Variants in SMPD3 observed in about 807,000 individuals in gnomAD.
The protein encoded by SMPD3 is nSMase-2.
SMPD3 carries 21 observed loss-of-function variants against 55.7 expected under a neutral mutation model. The ratio of observed to expected loss-of-function variants is 0.38; its 90% CI spans 0.27 to 0.54. The LOEUF is 0.54. SMPD3 is among the 20% of genes least tolerant of loss of function. The pLI, the probability that SMPD3 is intolerant of heterozygous loss-of-function variation, is 0.80. For synonymous variants in SMPD3, 457 were observed against 404.3 expected, an observed-to-expected ratio of 1.13 and a Z score of -1.56; for missense variants, 842 against 899.6, an observed-to-expected ratio of 0.94 and a Z score of 0.82.
chr16:68,377,436 CGAGT>C (rs2089844037), intron 2 of SMPD3, among the ~76,000 whole-genome samples: 1 of 152,200 alleles, frequency 6.6e-6, no homozygotes, highest in Non-Finnish European at 1.5e-5. Context: ...GCTGCTCCTG[CGAGT>C]GACTGATAAT....
intron 1 of SMPD3, among the ~76,000 whole-genome samples, chr16:68,401,790 T>G: frequency 6.6e-6 from 1 of 152,206 alleles, no homozygotes; most frequent in East Asian, 1.9e-4. Flanking sequence ...TATAAATGCC[T>G]TCGTCGCAGA....
At chr16:68,394,816 A>AG (rs1249072092) in intron 1 of SMPD3, among the ~76,000 whole-genome samples, 1 of 152,256 alleles carries the variant, frequency 6.6e-6, no homozygotes, top group Non-Finnish European at 1.5e-5. Context: ...AATAGAAAAA[A>AG]CAAGAGGCCA....
At chr16:68,435,169 T>A (rs112795002) in intron 1 of SMPD3, among the ~76,000 whole-genome samples, 333 of 152,252 alleles carry the variant, frequency 2.2e-3, no homozygotes, top group Non-Finnish European at 3.7e-3. Flanking sequence ...AGGGATGAAC[T>A]CTTTGCAGAG....
chr16:68,360,903 C>G lies in SMPD3; in HGVS notation c.*303G>C. 1 of 380,766 alleles carries G rather than the reference C, an allele frequency of 2.6e-6. No homozygotes were observed. Among genetic ancestry groups the G allele is most frequent in the Non-Finnish European group, 4.8e-6 (1 of 207,210 alleles). 23.6% of individuals were successfully genotyped at this position (380,766 alleles called of 1,614,324 possible). ...AGGAGATACAGAGAGTACACGAACCCGGTCCTCATACTAACCCACGGGTTA... is the reference window on the plus strand; with the variant it reads ...AGGAGATACAGAGAGTACACGAACCGGGTCCTCATACTAACCCACGGGTTA... On this transcript the variant is annotated 3_prime_UTR_variant, in exon 9 of 9. Coordinates refer to ENST00000219334, the MANE Select transcript of SMPD3 (RefSeq NM_018667.4).
At chr16:68,379,667 T>C (rs1359206519) in intron 2 of SMPD3, among the ~76,000 whole-genome samples, 1 of 152,202 alleles carries the variant, frequency 6.6e-6, no homozygotes, top group African/African-American at 2.4e-5. Context: ...TGTGGGCTGC[T>C]TGTGCGAGCC....
At chr16:68,382,667 G>C (rs1311362915) in intron 2 of SMPD3, among the ~76,000 whole-genome samples, 2 of 152,302 alleles carry the variant, frequency 1.3e-5, no homozygotes, top group Non-Finnish European at 1.5e-5. Flanking sequence ...GAGCCACTTA[G>C]GGAATCCTGC....
rs1397579318 is a variant in SMPD3, at chr16:68,447,333, T to A, written c.-269+1020A>T. ...CGTCTACCTGGAGCTCTTGAGTGCTTGAGGGGAGACCCGCCCCGTCCCGCT... is the reference window on the plus strand; with the variant it reads ...CGTCTACCTGGAGCTCTTGAGTGCTAGAGGGGAGACCCGCCCCGTCCCGCT... On this transcript the variant is annotated intron_variant, in intron 1 of 8. Transcript: ENST00000219334. The surrounding 1 kb of genome is among the most constrained non-coding windows in gnomAD (Gnocchi z 5.1). 6.6e-6 allele frequency among the ~76,000 whole-genome samples: 1 copy of A among 151,784 alleles called. No individual in the cohort carries two copies. Among genetic ancestry groups the A allele is most frequent in the Non-Finnish European group, 1.5e-5 (1 of 67,914 alleles).
chr16:68,411,192 C>T (rs2090297181), intron 1 of SMPD3, among the ~76,000 whole-genome samples: 2 of 152,212 alleles, frequency 1.3e-5, no homozygotes, highest in Non-Finnish European at 1.5e-5. Context: ...AGCACAGTGC[C>T]CTCCCCCAAC....
chr16:68,363,113 G>T (rs1485181400), intron 7 of SMPD3, among the ~76,000 whole-genome samples: 1 of 152,176 alleles, frequency 6.6e-6, no homozygotes, highest in Non-Finnish European at 1.5e-5. Flanking sequence ...GCTGCAAGCT[G>T]CCAGGCTGCC....
At position 68,370,875 on chromosome 16, in the gene SMPD3, C is replaced by G. The variant is rs2089644327; in HGVS notation, c.1307G>C (p.Gly436Ala). Residue 436 changes from glycine (G) to alanine (A), a missense_variant, in exon 3 of 9, where the codon GGA becomes GCA. Physicochemically the swap from Gly to Ala is moderately conservative, Grantham distance 60. Coordinates refer to ENST00000219334, the MANE Select transcript of SMPD3 (RefSeq NM_018667.4). ...KCNDDALASK[G>A]ALFLKVQVGS... Reference sequence around the variant, plus strand: ...GTCTCCTACCTTGAGAAACAGAGCTCCCTTAGAGGCCAGGGCATCGTCGTT... The same window carrying G: ...GTCTCCTACCTTGAGAAACAGAGCTGCCTTAGAGGCCAGGGCATCGTCGTT... The G allele has an allele frequency of 1.2e-6, 2 of 1,613,562 alleles. No individual in the cohort carries two copies. The highest frequency in any genetic ancestry group is 1.7e-6 in the Non-Finnish European group (2 of 1,179,832).
chr16:68,427,756 G>GC (rs1179068178), intron 1 of SMPD3, among the ~76,000 whole-genome samples: 4 of 151,798 alleles, frequency 2.6e-5, no homozygotes, highest in Non-Finnish European at 5.9e-5. Flanking sequence ...AATGACTGGG[G>GC]GGGGGTGCTG....
intron 1 of SMPD3, among the ~76,000 whole-genome samples, chr16:68,423,895 C>G (rs1001171155): frequency 1.3e-5 from 2 of 151,942 alleles, no homozygotes; most frequent in African/African-American, 4.8e-5. Flanking sequence ...GCTGAGGAGG[C>G]GGTGATGTCA....
rs1005930421 is a variant in SMPD3 at position 68,360,578 on chromosome 16, G to GTAAT, written c.*624_*627dup. ...CTTTTTCTGTTTTTCTTTTTAAAAT[G>GTAAT]TAATTGCCCTTGAATGCGAGACCCT... On this transcript the variant is annotated 3_prime_UTR_variant, in exon 9 of 9. Coordinates refer to ENST00000219334, the MANE Select transcript of SMPD3 (RefSeq NM_018667.4). 6.5e-6 allele frequency: 1 copy of GTAAT among 153,030 alleles called. No individual in the cohort carries two copies. Among genetic ancestry groups the GTAAT allele is most frequent in the African/African-American group, 2.4e-5 (1 of 41,468 alleles). 9.5% of individuals were successfully genotyped at this position (153,030 alleles called of 1,614,324 possible).
At chr16:68,435,743 A>T (rs1375152106) in intron 1 of SMPD3, among the ~76,000 whole-genome samples, 1 of 152,232 alleles carries the variant, frequency 6.6e-6, no homozygotes, top group Non-Finnish European at 1.5e-5. Flanking sequence ...GACTCGGACA[A>T]AGCTTTCCCA....
chr16:68,365,418 C>T (rs763117601), intron 3 of SMPD3, among the ~76,000 whole-genome samples: 8 of 152,172 alleles, frequency 5.3e-5, no homozygotes, highest in African/African-American at 9.7e-5. Flanking sequence ...AGCGTGGCCA[C>T]GGCTCTCAGT....
rs746189155 is a variant in SMPD3 at position 68,363,494 on chromosome 16, A to G, written c.1709+2T>C. The G allele has an allele frequency of 6.8e-6, 11 of 1,613,844 alleles. No homozygotes were observed. The highest frequency in any genetic ancestry group is 1.7e-5 in the Admixed American group (1 of 60,004). ...TCCCTGGCCTGGGAGCGCAGTGCTT[A>G]CTTCTGCAGGTTGTCGGGGGTGCAC... is the stretch of plus-strand genomic sequence containing the variant. On this transcript the variant is annotated splice_donor_variant, in intron 7 of 8. Transcript: ENST00000219334. LOFTEE classifies it high-confidence loss of function.
At chr16:68,410,336 G>A (rs1265480397) in intron 1 of SMPD3, among the ~76,000 whole-genome samples, 2 of 151,914 alleles carry the variant, frequency 1.3e-5, no homozygotes, top group African/African-American at 2.4e-5. Flanking sequence ...CAGACCAGGG[G>A]TGGCCCCACC....
Position 68,398,080 on chromosome 16 carries a change from G to C in SMPD3, c.-268-11421C>G, listed in dbSNP as rs140227238. 3.4e-3 allele frequency among the ~76,000 whole-genome samples: 523 copies of C among 152,234 alleles called. 9 individuals are homozygous for C. In the East Asian group the frequency reaches 0.045, roughly 13 times the overall value. On this transcript the variant is annotated intron_variant, in intron 1 of 8. Coordinates refer to ENST00000219334, the MANE Select transcript of SMPD3 (RefSeq NM_018667.4). ...GAGGGAGTCCAAGAGGTGGGTGGGC[G>C]TCTGGAATGTGCTAGGGCTGTGGCC... is the stretch of plus-strand genomic sequence containing the variant.
At chr16:68,420,961 T>C (rs796416494) in intron 1 of SMPD3, among the ~76,000 whole-genome samples, 8 of 152,290 alleles carry the variant, frequency 5.3e-5, no homozygotes, top group African/African-American at 1.9e-4. Flanking sequence ...GCATTCTCCA[T>C]CCCTGGGGTT....
Sources: gnomAD v4.1 joint callset for allele counts (sites outside exome capture counted in the v4.1 genomes callset) on GRCh38, gnomAD v4.1.1 for gene constraint, Gnocchi (gnomAD v3.1) non-coding constraint, MANE v1.5 for transcripts, NCBI Gene and HGNC (gene_info 2026-07-23, HGNC 2026-07-21) for gene names.